The following POLK variants were observed in gnomAD, a reference collection of about 807,000 sequenced individuals.
POLK encodes the protein polymerase (DNA directed) kappa.
Under a neutral mutation model 94.0 loss-of-function variants are expected in POLK, and 76 were observed. The ratio of observed to expected loss-of-function variants is 0.81; its 90% CI spans 0.67 to 0.98. POLK has a LOEUF of 0.98. POLK is among the 50% of genes least tolerant of loss of function. The pLI, the probability that POLK is intolerant of heterozygous loss-of-function variation, is 0.00. For synonymous variants in POLK, 349 were observed against 325.4 expected, an observed-to-expected ratio of 1.07 and a Z score of -0.78; for missense variants, 954 against 1,010.1, an observed-to-expected ratio of 0.94 and a Z score of 0.75.
At chr5:75,532,320 G>A (rs1196452783) in intron 1 of POLK, among the ~76,000 whole-genome samples, 1 of 152,096 alleles carries the variant, frequency 6.6e-6, no homozygotes, top group Non-Finnish European at 1.5e-5. Flanking sequence ...TTATAAATGA[G>A]AACATGCAGT....
intron 1 of POLK, among the ~76,000 whole-genome samples, chr5:75,523,404 T>C (rs1442154911): frequency 1.3e-5 from 2 of 152,184 alleles, no homozygotes; most frequent in African/African-American, 4.8e-5. Flanking sequence ...AAGAGAATTA[T>C]CAAGGACCAA....
chr5:75,548,872 C>T (rs1261817762), intron 2 of POLK, among the ~76,000 whole-genome samples: 1 of 151,952 alleles, frequency 6.6e-6, no homozygotes, highest in Non-Finnish European at 1.5e-5. Context: ...TCAGCTTTTG[C>T]AGATTTGAAA....
chr5:75,585,851 A>G (rs1030608315), intron 9 of POLK, among the ~76,000 whole-genome samples: 2 of 152,202 alleles, frequency 1.3e-5, no homozygotes, highest in African/African-American at 2.4e-5. Flanking sequence ...ATAGAAATCA[A>G]TGAGGATGCA....
intron 13 of POLK, 149 bp downstream of exon 13, chr5:75,597,327 A>G: frequency 1.7e-6 from 1 of 595,104 alleles, no homozygotes; most frequent in Non-Finnish European, 3.0e-6. Context: ...ACATTGCCAT[A>G]GGTTAGAATT....
At chr5:75,602,362 C>T (rs1271409285), downstream of POLK, among the ~76,000 whole-genome samples, 1 of 152,140 alleles carries the variant, frequency 6.6e-6, no homozygotes, top group African/African-American at 2.4e-5. Context: ...CAAAATGCAG[C>T]CCAAGGCCTC....
intron 1 of POLK, among the ~76,000 whole-genome samples, chr5:75,517,698 G>C (rs1768384967): frequency 6.6e-6 from 1 of 152,148 alleles, no homozygotes; most frequent in Admixed American, 6.5e-5. Context: ...GTGAAGGTGG[G>C]CATCCTTGTC....
At chr5:75,596,485 C>G (rs764138495) in exon 13 of POLK, 2 of 1,613,910 alleles carry the variant, frequency 1.2e-6, no homozygotes, top group South Asian at 2.2e-5. Flanking sequence ...GACATCACAA[C>G]CATTCCAAGT....
intron 1 of POLK, among the ~76,000 whole-genome samples, chr5:75,532,425 G>T (rs1017044743): frequency 6.6e-6 from 1 of 151,724 alleles, no homozygotes; most frequent in Non-Finnish European, 1.5e-5. Context: ...CCTTTATTAT[G>T]GCTATATAGT....
chr5:75,583,244 A>T, intron 7 of POLK, 49 bp from the exon 8 acceptor site: 1 of 1,410,504 alleles, frequency 7.1e-7, no homozygotes, highest in Non-Finnish European at 9.5e-7. Flanking sequence ...CATATTTAAA[A>T]GTCATACATA....
intron 1 of POLK, among the ~76,000 whole-genome samples, chr5:75,540,567 G>A (rs989255825): frequency 1.3e-5 from 2 of 152,050 alleles, no homozygotes; most frequent in Non-Finnish European, 2.9e-5. Flanking sequence ...CCAAAGTGCT[G>A]TAATCACAAC....
chr5:75,553,081 C>T (rs909040037), intron 3 of POLK, among the ~76,000 whole-genome samples: 5 of 152,034 alleles, frequency 3.3e-5, no homozygotes, highest in African/African-American at 1.2e-4. Context: ...GATTAGAATG[C>T]CAAATGTACA....
chr5:75,608,668 TC>T, the POLK span: 1 of 152,116 alleles, frequency 6.6e-6, no homozygotes, highest in Non-Finnish European at 1.5e-5. Flanking sequence ...CCGAGAAGGC[TC>T]CTCTGAGGAA....
intron 2 of POLK, among the ~76,000 whole-genome samples, chr5:75,548,242 T>C (rs1770151958): frequency 6.6e-6 from 1 of 152,092 alleles, no homozygotes; most frequent in Non-Finnish European, 1.5e-5. Flanking sequence ...ATTTTAAAAA[T>C]TATTTGTATT....
At chr5:75,575,902 T>C (rs183123084) in intron 5 of POLK, among the ~76,000 whole-genome samples, 2 of 152,244 alleles carry the variant, frequency 1.3e-5, no homozygotes, top group Admixed American at 1.3e-4. Flanking sequence ...ATTCAGCAAA[T>C]ATGTTTTCTA....
At chr5:75,605,117 A>T (rs917821453), downstream of POLK, among the ~76,000 whole-genome samples, 38 of 75,354 alleles carry the variant, frequency 5.0e-4, no homozygotes, top group African/African-American at 1.9e-3. Context: ...CTGTATACAC[A>T]TACACACACA....
At chr5:75,519,837 C>G (rs1430808610) in intron 1 of POLK, among the ~76,000 whole-genome samples, 1 of 152,108 alleles carries the variant, frequency 6.6e-6, no homozygotes, top group Non-Finnish European at 1.5e-5. Flanking sequence ...GTCATCTACT[C>G]TGTGTCTTCT....
At chr5:75,542,363 T>C (rs1270855232) in intron 1 of POLK, among the ~76,000 whole-genome samples, 2 of 151,778 alleles carry the variant, frequency 1.3e-5, no homozygotes, top group Non-Finnish European at 2.9e-5. Context: ...CTCCTCCCCT[T>C]CTCTCTTATT....
exon 2 of POLK, chr5:75,547,113 T>C: frequency 6.5e-7 from 1 of 1,539,010 alleles, no homozygotes; most frequent in Non-Finnish European, 8.9e-7. Flanking sequence ...AATGGAAGGA[T>C]TAGATAAAGA....
chr5:75,556,301 C>A (rs1383437662), intron 3 of POLK, among the ~76,000 whole-genome samples: 1 of 152,174 alleles, frequency 6.6e-6, no homozygotes, highest in East Asian at 1.9e-4. Context: ...TATTTGCCAT[C>A]TGTATATGTT....
Sources: allele counts gnomAD v4.1 joint callset (sites outside exome capture counted in the v4.1 genomes callset), GRCh38; gene constraint gnomAD v4.1.1; transcripts MANE v1.5; gene names NCBI Gene and HGNC (gene_info 2026-07-23, HGNC 2026-07-21).